LUZP2: variants seen among roughly 807,000 people sequenced by gnomAD.
LUZP2 encodes the protein leucine zipper protein 2.
LUZP2 carries 52 observed loss-of-function variants against 51.6 expected under a neutral mutation model. The observed-to-expected ratio is 1.01, with a 90% CI of 0.81 to 1.27. LUZP2 has a LOEUF of 1.27. Ranked by LOEUF, LUZP2 falls within the 50% of genes most tolerant of loss-of-function variation. The pLI, the probability that LUZP2 is intolerant of heterozygous loss-of-function variation, is 0.00. For synonymous variants in LUZP2, 154 were observed against 137.3 expected (o/e 1.12, Z -0.85); for missense variants, 436 against 395.4 (o/e 1.10, Z -0.87).
intron 1 of LUZP2, among the ~76,000 whole-genome samples, chr11:24,643,595 A>G (rs1253137489): frequency 6.6e-6 from 1 of 152,186 alleles, no homozygotes; most frequent in African/African-American, 2.4e-5. Flanking sequence ...AGGCCTACGC[A>G]TCATGTAATT....
chr11:24,507,389 C>T (rs986800596), intron 1 of LUZP2, among the ~76,000 whole-genome samples: 3 of 152,042 alleles, frequency 2.0e-5, no homozygotes, highest in Non-Finnish European at 2.9e-5. Flanking sequence ...CACCTTTACA[C>T]ATGTGTATAA....
chr11:24,744,802 G>A (rs2631421), intron 4 of LUZP2, among the ~76,000 whole-genome samples: 48,038 of 151,466 alleles, frequency 0.32, 8,129 homozygotes, highest in East Asian at 0.57. Flanking sequence ...TGACCTTAGA[G>A]TGTCAGTTTG....
chr11:24,922,289 T>G (rs10767277), intron 7 of LUZP2, among the ~76,000 whole-genome samples: 87,793 of 151,584 alleles, frequency 0.58, 25,864 homozygotes, highest in East Asian at 0.83. Context: ...AAATCTAGAG[T>G]TATTTAATTT....
intron 7 of LUZP2, among the ~76,000 whole-genome samples, chr11:24,963,375 C>T (rs1475626073): frequency 2.8e-4 from 43 of 152,194 alleles, no homozygotes; most frequent in Non-Finnish European, 2.5e-4. Context: ...GAGGTGGAGC[C>T]TACAGAGGCA....
Position 25,040,019 on chromosome 11 carries a change from T to C in LUZP2, c.766-10019T>C, listed in dbSNP as rs1857996245. Among the ~76,000 whole-genome samples the C allele has an allele frequency of 1.3e-5, 2 of 152,144 alleles. 1 individual carries two copies. The highest frequency in any genetic ancestry group is 4.1e-4 in the South Asian group (2 of 4,822). ...TGGGAGGATCATGGGTGGACCACCC[T>C]CACACCCCCTCTATATGACTTTATT... On this transcript the variant is annotated intron_variant, in intron 9 of 11. Transcript: ENST00000336930.
chr11:24,867,633 A>G (rs1307528803), intron 5 of LUZP2, among the ~76,000 whole-genome samples: 1 of 152,132 alleles, frequency 6.6e-6, no homozygotes, highest in African/African-American at 2.4e-5. Context: ...CCTATGAAAC[A>G]GGGTCTCACT....
At chr11:24,847,902 C>G (rs1364523256) in intron 5 of LUZP2, among the ~76,000 whole-genome samples, 1 of 152,204 alleles carries the variant, frequency 6.6e-6, no homozygotes, top group East Asian at 1.9e-4. Flanking sequence ...CTTACGCTAT[C>G]TCAGTTATGG....
At chr11:24,901,356 G>T (rs1274260561) in intron 5 of LUZP2, among the ~76,000 whole-genome samples, 1 of 149,458 alleles carries the variant, frequency 6.7e-6, no homozygotes, top group East Asian at 2.0e-4. Flanking sequence ...CTGGATGTTT[G>T]CAATGAAAAC....
intron 1 of LUZP2, among the ~76,000 whole-genome samples, chr11:24,700,518 G>A (rs768870333): frequency 7.2e-5 from 11 of 151,916 alleles, no homozygotes; most frequent in Non-Finnish European, 1.3e-4. Flanking sequence ...TGTATTTTAC[G>A]GAGTTATTTA....
At chr11:24,619,008 ATTTAT>A (rs772078789) in intron 1 of LUZP2, among the ~76,000 whole-genome samples, 85 of 76,868 alleles carry the variant, frequency 1.1e-3, no homozygotes, top group East Asian at 4.0e-3. Context: ...ACTTAGCATT[ATTTAT>A]TTATTTATTT....
intron 10 of LUZP2, among the ~76,000 whole-genome samples, chr11:25,052,595 A>C (rs1858552035): frequency 1.3e-5 from 2 of 152,168 alleles, no homozygotes; most frequent in South Asian, 4.1e-4. Flanking sequence ...TGCCTTGTAT[A>C]AATTTAGCCA....
At chr11:24,766,877 T>C (rs996431194) in intron 5 of LUZP2, among the ~76,000 whole-genome samples, 1 of 152,148 alleles carries the variant, frequency 6.6e-6, no homozygotes, top group Non-Finnish European at 1.5e-5. Flanking sequence ...TACCCCTGGC[T>C]CAGCCTCCTG....
intron 9 of LUZP2, among the ~76,000 whole-genome samples, chr11:25,027,045 A>T (rs1399931299): frequency 6.6e-6 from 1 of 152,020 alleles, no homozygotes; most frequent in Admixed American, 6.6e-5. Flanking sequence ...ACCATCCACA[A>T]ACATAATATC....
chr11:24,936,328 C>G (rs1854585731), intron 7 of LUZP2, among the ~76,000 whole-genome samples: 1 of 151,998 alleles, frequency 6.6e-6, no homozygotes, highest in African/African-American at 2.4e-5. Context: ...TACCTTAGCC[C>G]CTACCGTTGT....
At chr11:25,034,217 G>A (rs1857783495) in intron 9 of LUZP2, among the ~76,000 whole-genome samples, 1 of 151,928 alleles carries the variant, frequency 6.6e-6, no homozygotes, top group South Asian at 2.1e-4. Context: ...TTGGCTACTT[G>A]CATATCTTCT....
rs1243698742 is a variant in LUZP2, at chr11:25,021,414, G to T, written c.766-28624G>T. 4.1e-5 allele frequency among the ~76,000 whole-genome samples: 4 copies of T among 97,386 alleles called. No individual in the cohort carries two copies. The East Asian group carries it at 1.3e-3, about 32-fold the overall frequency. 63.9% of individuals were successfully genotyped at this position (97,386 alleles called of 152,430 possible). ...GGACACAAAATTATTGTCCATGCAT[G>T]TGCACACAGGTTGTGTGTGTGTGTG... is the stretch of plus-strand genomic sequence containing the variant. On this transcript the variant is annotated intron_variant, in intron 9 of 11. Transcript: ENST00000336930.
intron 1 of LUZP2, among the ~76,000 whole-genome samples, chr11:24,656,781 G>GCGCTC (rs1313214483): frequency 1.3e-5 from 2 of 152,150 alleles, no homozygotes; most frequent in Non-Finnish European, 2.9e-5. Flanking sequence ...AGTCCGCTTT[G>GCGCTC]CGCTCCGAGC....
intron 7 of LUZP2, among the ~76,000 whole-genome samples, chr11:24,918,578 A>T (rs954365190): frequency 6.6e-6 from 1 of 151,788 alleles, no homozygotes; most frequent in Admixed American, 6.6e-5. Context: ...AATAAGAGCT[A>T]TTTATGACAA....
chr11:24,604,451 A>C (rs1437600298), intron 1 of LUZP2, among the ~76,000 whole-genome samples: 1 of 151,846 alleles, frequency 6.6e-6, no homozygotes, highest in Non-Finnish European at 1.5e-5. Context: ...AATTAATAAT[A>C]ATATTAAAAC....
Sources: gnomAD v4.1 joint callset for allele counts (sites outside exome capture counted in the v4.1 genomes callset) on GRCh38, gnomAD v4.1.1 for gene constraint, MANE v1.5 for transcripts, NCBI Gene and HGNC (gene_info 2026-07-23, HGNC 2026-07-21) for gene names.